The following LPIN2 variants were observed in gnomAD, a reference collection of about 807,000 sequenced individuals.
LPIN2 encodes lipin 2, also known as phosphatidate phosphatase LPIN2.
In LPIN2, 55 loss-of-function variants were observed where a neutral mutation model predicts 111.4. The observed-to-expected ratio is 0.49, with a 90% confidence interval of 0.40 to 0.62. The LOEUF (loss-of-function observed/expected upper bound fraction) is 0.62. Among genes scored for constraint, LPIN2 ranks in the 20% least tolerant of loss-of-function variants. LPIN2 has a pLI of 0.00. For synonymous variants in LPIN2, 425 were observed against 414.0 expected, an observed-to-expected ratio of 1.03 and a Z score of -0.32; for missense variants, 992 against 1,112.1, an observed-to-expected ratio of 0.89 and a Z score of 1.54.
At chr18:2,940,583 A>G (rs2077354858) in intron 5 of LPIN2, 22 bp downstream of exon 5, 4 of 1,468,994 alleles carry the variant, frequency 2.7e-6, no homozygotes, top group Non-Finnish European at 3.8e-6. Context: ...TCAAGAAACC[A>G]AGAAATTTCA....
At chr18:2,928,179 T>C (rs2077163480) in intron 11 of LPIN2, among the ~76,000 whole-genome samples, 1 of 152,224 alleles carries the variant, frequency 6.6e-6, no homozygotes, top group Non-Finnish European at 1.5e-5. Context: ...AGTTTGTATA[T>C]AACAGGTATG....
chr18:2,954,458 G>C (rs1181154973), intron 3 of LPIN2, 46 bp downstream of exon 3: 1 of 1,379,424 alleles, frequency 7.2e-7, no homozygotes, highest in East Asian at 2.3e-5. Flanking sequence ...ACGTACCAGA[G>C]GCCTGAGCAC....
At chr18:2,931,524 T>G in intron 8 of LPIN2, 81 bp from the exon 9 acceptor site, 1 of 1,368,366 alleles carries the variant, frequency 7.3e-7, no homozygotes. Context: ...CTCTGGGGGC[T>G]CAAACCAAAT....
chr18:3,005,539 T>C (rs1195987141), intron 1 of LPIN2, among the ~76,000 whole-genome samples: 1 of 151,846 alleles, frequency 6.6e-6, no homozygotes, highest in East Asian at 1.9e-4. Flanking sequence ...TAACCGGGGA[T>C]GGTGGCACAT....
chr18:2,958,191 A>C (rs1046240121), intron 2 of LPIN2, among the ~76,000 whole-genome samples: 1 of 149,892 alleles, frequency 6.7e-6, no homozygotes, highest in Non-Finnish European at 1.5e-5. Flanking sequence ...AAGAAAAAAA[A>C]ACTTTTATAA....
chr18:2,923,387 T>C (rs1298150324), intron 16 of LPIN2, among the ~76,000 whole-genome samples: 1 of 109,890 alleles, frequency 9.1e-6, no homozygotes, highest in Admixed American at 1.5e-4. Context: ...GCCATTGCAC[T>C]TCAGCCTGGG....
At chr18:2,986,686 C>A (rs911435134) in intron 1 of LPIN2, among the ~76,000 whole-genome samples, 1 of 152,160 alleles carries the variant, frequency 6.6e-6, no homozygotes, top group African/African-American at 2.4e-5. Context: ...GACCAAACAA[C>A]CTCTGCGGTC....
At chr18:3,000,118 AAGGAGGAGGAGG>A (rs113566510) in intron 1 of LPIN2, among the ~76,000 whole-genome samples, 2 of 144,200 alleles carry the variant, frequency 1.4e-5, no homozygotes, top group African/African-American at 2.6e-5. Context: ...GGAGGGGAAG[AAGGAGGAGGAGG>A]AGGAGGAGGA....
At chr18:2,967,110 A>G (rs892803986) in intron 1 of LPIN2, 3 of 152,204 alleles carry the variant, frequency 2.0e-5, no homozygotes, top group African/African-American at 7.2e-5. Flanking sequence ...TGATTTTCAA[A>G]AAGAGAATGT....
At chr18:2,973,090 A>G (rs1228196782) in intron 1 of LPIN2, among the ~76,000 whole-genome samples, 1 of 152,248 alleles carries the variant, frequency 6.6e-6, no homozygotes, top group Non-Finnish European at 1.5e-5. Flanking sequence ...GGTTATACCT[A>G]TCAGCACAGA....
intron 1 of LPIN2, among the ~76,000 whole-genome samples, chr18:2,981,184 G>C (rs965849235): frequency 4.0e-5 from 6 of 151,672 alleles, no homozygotes; most frequent in Non-Finnish European, 5.9e-5. Flanking sequence ...CAGAAAGGAT[G>C]TGATTTGTAA....
intron 8 of LPIN2, 46 bp from the exon 9 acceptor site, chr18:2,931,489 T>C: frequency 6.5e-7 from 1 of 1,532,188 alleles, no homozygotes; most frequent in Non-Finnish European, 8.8e-7. Flanking sequence ...TACAACTCCT[T>C]GAATTCCTAG....
intron 13 of LPIN2, among the ~76,000 whole-genome samples, chr18:2,926,227 G>C (rs1019660271): frequency 6.6e-6 from 1 of 152,248 alleles, no homozygotes; most frequent in Non-Finnish European, 1.5e-5. Flanking sequence ...GACACTAAAT[G>C]AGACAGCCAA....
chr18:2,991,103 T>G (rs2078258388), intron 1 of LPIN2: 3 of 496,094 alleles, frequency 6.0e-6, no homozygotes, highest in African/African-American at 1.9e-5. Context: ...GAGGCCTCCC[T>G]ATATCAGTTT....
chr18:2,931,845 C>G lies in LPIN2; in HGVS notation c.1269-402G>C, dbSNP rs572816845. On this transcript the variant is annotated intron_variant, in intron 8 of 19. Transcript: ENST00000677752. ...GTTTGGAAACCTTTGATCCTAACGT[C>G]CTAGAAAAAGCTGTGGCACTTTATA... Among the ~76,000 whole-genome samples the G allele has an allele frequency of 5.3e-4, 81 of 152,154 alleles. 1 individual carries two copies. Among genetic ancestry groups the G allele is most frequent in the Non-Finnish European group, 8.7e-4 (59 of 68,004 alleles).
intron 1 of LPIN2, among the ~76,000 whole-genome samples, chr18:2,976,250 C>T (rs1429313972): frequency 1.3e-5 from 2 of 152,178 alleles, no homozygotes; most frequent in East Asian, 1.9e-4. Flanking sequence ...GAAGGTCTCT[C>T]AACCTGTACC....
intron 1 of LPIN2, among the ~76,000 whole-genome samples, chr18:2,993,939 G>T (rs2078303506): frequency 6.6e-6 from 1 of 152,174 alleles, no homozygotes; most frequent in African/African-American, 2.4e-5. Flanking sequence ...TGGTTAGTCT[G>T]CAGACCCCAA....
chr18:2,923,633 A>T, intron 16 of LPIN2, 142 bp downstream of exon 16: 1 of 780,410 alleles, frequency 1.3e-6, no homozygotes, highest in Non-Finnish European at 2.2e-6. Context: ...CACACCATCA[A>T]CAGGAAAGGA....
chr18:2,949,252 T>A lies in LPIN2; in HGVS notation c.590+1803A>T, dbSNP rs1371835976. Among the ~76,000 whole-genome samples, 3 of 152,202 alleles carry A rather than the reference T, an allele frequency of 2.0e-5. No individual in the cohort carries two copies. In the East Asian group the frequency reaches 5.8e-4, roughly 29 times the overall value. ...ACAGGAAGAGTCTCTTTTTAAGAAA[T>A]TCTGGTACTTTTTATCAGCTTAAAT... On this transcript the variant is annotated intron_variant, in intron 4 of 19. Coordinates refer to ENST00000677752, the MANE Select transcript of LPIN2 (RefSeq NM_001375808.2).
Sources: allele counts gnomAD v4.1 joint callset (sites outside exome capture counted in the v4.1 genomes callset), GRCh38; gene constraint gnomAD v4.1.1; transcripts MANE v1.5; gene names NCBI Gene and HGNC (gene_info 2026-07-23, HGNC 2026-07-21).